GRIA1: variants seen among roughly 807,000 people sequenced by gnomAD.
The protein encoded by GRIA1 is glutamate receptor 1.
GRIA1 carries 31 observed loss-of-function variants against 99.2 expected under a neutral mutation model. The ratio of observed to expected loss-of-function variants is 0.31; its 90% confidence interval spans 0.23 to 0.42. The LOEUF (loss-of-function observed/expected upper bound fraction) is 0.42, where lower values mean the gene tolerates loss of function less well. GRIA1 is among the 10% of genes least tolerant of loss of function. The pLI, the probability that GRIA1 is intolerant of heterozygous loss-of-function variation, is 1.00. For missense variants in GRIA1, 782 were observed against 1,157.5 expected, an observed-to-expected ratio of 0.68 and a Z score of 4.71; for synonymous variants, 438 against 432.4, an observed-to-expected ratio of 1.01 and a Z score of -0.16.
intron 2 of GRIA1, among the ~76,000 whole-genome samples, chr5:153,567,007 G>A (rs547643547): frequency 8.5e-5 from 13 of 152,232 alleles, no homozygotes; most frequent in Middle Eastern, 3.4e-3. Flanking sequence ...ATGAGCCACC[G>A]TGCCTGGCCA....
intron 1 of GRIA1, among the ~76,000 whole-genome samples, chr5:153,491,513 C>T (rs1197941360): frequency 6.6e-6 from 1 of 152,088 alleles, no homozygotes; most frequent in East Asian, 1.9e-4. Context: ...AAGGCCCCCA[C>T]TCCAAGGCGG....
At chr5:153,596,116 A>G (rs1333951007) in intron 2 of GRIA1, among the ~76,000 whole-genome samples, 3 of 152,108 alleles carry the variant, frequency 2.0e-5, no homozygotes, top group Non-Finnish European at 4.4e-5. Flanking sequence ...GGCCTGAGTG[A>G]TCAATTTGGA....
Position 153,605,621 on chromosome 5 carries a change from T to C in GRIA1, c.221-41307T>C, listed in dbSNP as rs1188885573. ...CACCATCAATATGTGACAATTCCCA[T>C]TGCTCCAAATTCTCTCAAACACTTG... On this transcript the variant is annotated intron_variant, in intron 2 of 15. Transcript: ENST00000285900. 3.3e-5 allele frequency among the ~76,000 whole-genome samples: 5 copies of C among 152,318 alleles called. No individual in the cohort carries two copies. In the East Asian group the frequency reaches 9.6e-4, roughly 29 times the overall value.
intron 11 of GRIA1, among the ~76,000 whole-genome samples, chr5:153,723,610 G>C (rs902972012): frequency 3.3e-5 from 5 of 152,214 alleles, no homozygotes; most frequent in South Asian, 2.1e-4. Flanking sequence ...CTGGCTCGGA[G>C]GGTCCTACCC....
chr5:153,631,127 T>C (rs1436609917), intron 2 of GRIA1, among the ~76,000 whole-genome samples: 5 of 152,212 alleles, frequency 3.3e-5, no homozygotes, highest in Non-Finnish European at 7.3e-5. Flanking sequence ...TAGATAGATA[T>C]GCTGAGAAAT....
chr5:153,675,584 CAG>C (rs1440619689), intron 6 of GRIA1, among the ~76,000 whole-genome samples: 3 of 152,220 alleles, frequency 2.0e-5, no homozygotes, highest in African/African-American at 7.2e-5. Flanking sequence ...TCTGGACAAA[CAG>C]TGAATCTTTG....
intron 7 of GRIA1, among the ~76,000 whole-genome samples, chr5:153,684,728 G>C (rs1201203888): frequency 6.6e-6 from 1 of 152,220 alleles, no homozygotes; most frequent in African/African-American, 2.4e-5. Flanking sequence ...TGATGGACTG[G>C]AATTGCTCCT....
intron 2 of GRIA1, among the ~76,000 whole-genome samples, chr5:153,595,619 G>C (rs902765499): frequency 1.3e-5 from 2 of 151,338 alleles, no homozygotes; most frequent in Non-Finnish European, 2.9e-5. Context: ...TGGATTCAAG[G>C]ATATCTATTT....
Position 153,588,295 on chromosome 5 carries a change from C to T in GRIA1, c.221-58633C>T, listed in dbSNP as rs560761806. On this transcript the variant is annotated intron_variant, in intron 2 of 15. Coordinates refer to ENST00000285900, the MANE Select transcript of GRIA1 (RefSeq NM_000827.4). ...CATTTTGTGCACCCTTTGCCAAATT[C>T]CTCTTTCTAAAGCACTGGGTTTGTG... Among the ~76,000 whole-genome samples the T allele has an allele frequency of 2.6e-5, 4 of 152,332 alleles. No individual in the cohort carries two copies. In the East Asian group the frequency reaches 7.7e-4, roughly 29 times the overall value.
chr5:153,656,383 T>TA, intron 5 of GRIA1, among the ~76,000 whole-genome samples: 1 of 92,664 alleles, frequency 1.1e-5, no homozygotes, highest in South Asian at 3.4e-4. Flanking sequence ...ATAAGTTTGT[T>TA]TATATATATA....
chr5:153,492,140 C>T (rs907292194), intron 1 of GRIA1: 8 of 1,439,108 alleles, frequency 5.6e-6, no homozygotes, highest in Non-Finnish European at 7.3e-6. Context: ...AGTTTGTGCT[C>T]TTTTGTGAGT....
chr5:153,608,582 AT>A, intron 2 of GRIA1, among the ~76,000 whole-genome samples: 1 of 152,040 alleles, frequency 6.6e-6, no homozygotes, highest in Admixed American at 6.5e-5. Flanking sequence ...ATTTTGGAAA[AT>A]TTTTCGTGGT....
intron 11 of GRIA1, among the ~76,000 whole-genome samples, chr5:153,709,055 C>T (rs1759121734): frequency 6.6e-6 from 1 of 152,178 alleles, no homozygotes; most frequent in Admixed American, 6.5e-5. Context: ...CTTCATCTTA[C>T]CTTGAACCAG....
intron 11 of GRIA1, among the ~76,000 whole-genome samples, chr5:153,745,537 C>T (rs1264259315): frequency 3.5e-5 from 5 of 142,886 alleles, no homozygotes; most frequent in South Asian, 2.2e-4. Context: ...TACAGTGAGC[C>T]GAGTTCACGC....
chr5:153,694,740 G>T (rs9324757), intron 8 of GRIA1, among the ~76,000 whole-genome samples: 2,519 of 152,288 alleles, frequency 0.017, 74 homozygotes, highest in African/African-American at 0.058. Flanking sequence ...TGACCACTGG[G>T]CTCCCTCTTT....
intron 5 of GRIA1, among the ~76,000 whole-genome samples, chr5:153,671,873 A>G (rs113511769): frequency 0.011 from 1,638 of 152,342 alleles, 27 homozygotes; most frequent in African/African-American, 0.038. Flanking sequence ...CTATGGGAAC[A>G]CATGAGTAAA....
At chr5:153,776,870 G>C (rs550604407) in intron 13 of GRIA1, among the ~76,000 whole-genome samples, 1 of 152,274 alleles carries the variant, frequency 6.6e-6, no homozygotes, top group African/African-American at 2.4e-5. Context: ...AAACATGCTT[G>C]TATCTTCCAT....
chr5:153,663,739 A>G (rs1755541936), intron 5 of GRIA1, among the ~76,000 whole-genome samples: 2 of 152,170 alleles, frequency 1.3e-5, no homozygotes, highest in African/African-American at 4.8e-5. Flanking sequence ...CAGCAAAACA[A>G]TCTTCCTGCC....
rs146779660 is a variant in GRIA1, at chr5:153,735,278, T to G, written c.1824-29156T>G. Among the ~76,000 whole-genome samples, 1,295 of 152,294 alleles carry G rather than the reference T, an allele frequency of 8.5e-3. 7 individuals carry two copies. The highest frequency in any genetic ancestry group is 0.014 in the South Asian group (66 of 4,824). ...AAGAAGAAAGGGGTTTATTCGGCCG[T>G]GAGCGTCAGCAAGACTCCTGTCTCA... is the stretch of plus-strand genomic sequence containing the variant. On this transcript the variant is annotated intron_variant, in intron 11 of 15. Coordinates refer to ENST00000285900, the MANE Select transcript of GRIA1 (RefSeq NM_000827.4).
Sources: gnomAD v4.1 joint callset for allele counts (sites outside exome capture counted in the v4.1 genomes callset) on GRCh38, gnomAD v4.1.1 for gene constraint, MANE v1.5 for transcripts, NCBI Gene and HGNC (gene_info 2026-07-23, HGNC 2026-07-21) for gene names.